Variants in CTNNA2 observed in about 807,000 individuals in gnomAD.
CTNNA2 encodes the protein catenin alpha 2.
CTNNA2 carries 42 observed loss-of-function variants against 101.0 expected under a neutral mutation model. That is an observed-to-expected ratio of 0.42 (90% CI 0.32 to 0.54). The LOEUF is 0.54. CTNNA2 is among the 20% of genes least tolerant of loss of function. The probability of loss-of-function intolerance (pLI) is 0.14; values close to 1 mark genes in which losing one functional copy is unlikely to be tolerated. For synonymous variants in CTNNA2, 450 were observed against 456.4 expected, an observed-to-expected ratio of 0.99 and a Z score of 0.18; for missense variants, 871 against 1,223.1, an observed-to-expected ratio of 0.71 and a Z score of 4.29.
At position 79,586,156 on chromosome 2, in the gene CTNNA2, G is replaced by A. The variant is rs567687897; in HGVS notation, c.-5-65396G>A. On this transcript the variant is annotated intron_variant, in intron 1 of 18. Coordinates refer to ENST00000402739, the MANE Select transcript of CTNNA2 (RefSeq NM_001282597.3). ...CTCCTTTCTCTCTGCTGTCTGCACC[G>A]GGTGCTGAACACTCGTAGGCCTCAG... Among the ~76,000 whole-genome samples, 5 of 152,134 alleles carry A rather than the reference G, an allele frequency of 3.3e-5. No homozygotes were observed. The South Asian group carries it at 6.3e-4, about 19-fold the overall frequency.
intron 7 of CTNNA2, among the ~76,000 whole-genome samples, chr2:80,149,744 T>C (rs951800224): frequency 1.3e-5 from 2 of 150,878 alleles, no homozygotes; most frequent in Non-Finnish European, 2.9e-5. Context: ...TCTTCAACTC[T>C]AGATTCAGGG....
intron 2 of CTNNA2, among the ~76,000 whole-genome samples, chr2:79,246,466 G>A (rs951741931): frequency 3.3e-5 from 5 of 152,128 alleles, no homozygotes; most frequent in African/African-American, 1.2e-4. Flanking sequence ...CACCACCTGC[G>A]AAACTGTCAT....
chr2:80,126,582 C>T (rs1702119933), intron 7 of CTNNA2, among the ~76,000 whole-genome samples: 1 of 95,210 alleles, frequency 1.1e-5, no homozygotes, highest in Admixed American at 1.1e-4. Flanking sequence ...TTTGCCCTTT[C>T]TTTCCCTCCC....
chr2:80,611,386 A>G (rs1698458205), intron 17 of CTNNA2, among the ~76,000 whole-genome samples: 1 of 151,660 alleles, frequency 6.6e-6, no homozygotes, highest in East Asian at 2.0e-4. Flanking sequence ...AAAGTTAAAG[A>G]TAACATGTCT....
chr2:79,613,728 C>T (rs1678441993), intron 1 of CTNNA2, among the ~76,000 whole-genome samples: 1 of 151,910 alleles, frequency 6.6e-6, no homozygotes. Context: ...GTTGTGTTGC[C>T]CAGAAAGTCT....
intron 2 of CTNNA2, among the ~76,000 whole-genome samples, chr2:79,267,330 C>G (rs769553769): frequency 6.6e-6 from 1 of 152,092 alleles, no homozygotes; most frequent in African/African-American, 2.4e-5. Context: ...CTGGCAGAGT[C>G]ACTGTCTGAT....
intron 3 of CTNNA2, among the ~76,000 whole-genome samples, chr2:79,758,274 C>T (rs1672532972): frequency 6.6e-6 from 1 of 152,054 alleles, no homozygotes; most frequent in African/African-American, 2.4e-5. Context: ...GAATAAAAAC[C>T]AGATAAGATT....
At chr2:79,544,460 G>A (rs1036904150) in intron 1 of CTNNA2, among the ~76,000 whole-genome samples, 1 of 152,108 alleles carries the variant, frequency 6.6e-6, no homozygotes, top group East Asian at 1.9e-4. Flanking sequence ...AAGATTTCTG[G>A]GGTCTAGAAG....
At chr2:80,095,262 A>G (rs1054622960) in intron 7 of CTNNA2, among the ~76,000 whole-genome samples, 4 of 152,222 alleles carry the variant, frequency 2.6e-5, no homozygotes, top group Admixed American at 1.3e-4. Context: ...TGAGATAATC[A>G]TGTGGTTTTT....
intron 7 of CTNNA2, among the ~76,000 whole-genome samples, chr2:80,164,950 T>TGTTTTGTTTTG (rs59984769): frequency 0.12 from 18,418 of 148,804 alleles, 1,393 homozygotes; most frequent in South Asian, 0.28. Flanking sequence ...TTTTTTTTTT[T>TGTTTTGTTTTG]TTTTTTTCTA....
intron 9 of CTNNA2, among the ~76,000 whole-genome samples, chr2:80,484,760 A>T (rs1686416607): frequency 6.6e-6 from 1 of 152,174 alleles, no homozygotes; most frequent in African/African-American, 2.4e-5. Context: ...TAATCCCAGC[A>T]CTTTGGGAGG....
At chr2:79,735,019 A>G (rs1364809426) in intron 2 of CTNNA2, among the ~76,000 whole-genome samples, 1 of 152,108 alleles carries the variant, frequency 6.6e-6, no homozygotes, top group Non-Finnish European at 1.5e-5. Context: ...GTCCATTATA[A>G]TACTTCTTCT....
At chr2:80,118,655 A>G (rs1265901186) in intron 7 of CTNNA2, among the ~76,000 whole-genome samples, 2 of 152,258 alleles carry the variant, frequency 1.3e-5, no homozygotes, top group Non-Finnish European at 2.9e-5. Flanking sequence ...AAGCCAATTC[A>G]TGATCCTCTT....
intron 9 of CTNNA2, among the ~76,000 whole-genome samples, chr2:80,495,889 G>A (rs773238200): frequency 5.2e-5 from 7 of 133,506 alleles, no homozygotes; most frequent in Admixed American, 8.7e-5. Flanking sequence ...TCAGTGAGCC[G>A]AGATTATGCC....
intron 3 of CTNNA2, among the ~76,000 whole-genome samples, chr2:79,756,007 C>T (rs1672372611): frequency 6.6e-6 from 1 of 151,128 alleles, no homozygotes; most frequent in Non-Finnish European, 1.5e-5. Context: ...TCATCTGTTG[C>T]ATATTTTGTT....
intron 3 of CTNNA2, among the ~76,000 whole-genome samples, chr2:79,372,872 G>A (rs1677903168): frequency 6.6e-6 from 1 of 152,126 alleles, no homozygotes; most frequent in African/African-American, 2.4e-5. Flanking sequence ...CAGGAAAAAA[G>A]AGAAGTTGCT....
intron 7 of CTNNA2, among the ~76,000 whole-genome samples, chr2:79,961,350 C>T (rs12997292): frequency 0.32 from 48,652 of 151,966 alleles, 8,867 homozygotes; most frequent in Non-Finnish European, 0.4. Context: ...AGCACTCTAT[C>T]ACTCTATCAC....
chr2:79,324,386 G>A (rs1429684931), intron 3 of CTNNA2, among the ~76,000 whole-genome samples: 3 of 152,120 alleles, frequency 2.0e-5, no homozygotes, highest in South Asian at 2.1e-4. Flanking sequence ...AGGCTCCAGG[G>A]CATGGGGGCT....
At chr2:79,340,918 T>G (rs1677123201) in intron 3 of CTNNA2, among the ~76,000 whole-genome samples, 1 of 149,434 alleles carries the variant, frequency 6.7e-6, no homozygotes, top group Non-Finnish European at 1.5e-5. Context: ...AAAAAGTTCT[T>G]GATAGTAAAA....
Sources: allele counts gnomAD v4.1 joint callset (sites outside exome capture counted in the v4.1 genomes callset), GRCh38; gene constraint gnomAD v4.1.1; transcripts MANE v1.5; gene names NCBI Gene and HGNC (gene_info 2026-07-23, HGNC 2026-07-21).